Variants in TLCD4 observed in about 807,000 individuals in gnomAD.
The protein encoded by TLCD4 is TLC domain containing 4.
TLCD4 carries 7 observed loss-of-function variants against 24.2 expected under a neutral mutation model. The observed-to-expected ratio is 0.29, with a 90% confidence interval of 0.16 to 0.54. The LOEUF (loss-of-function observed/expected upper bound fraction) is 0.54. TLCD4 is among the 20% of genes least tolerant of loss of function. The pLI is 0.95. For synonymous variants in TLCD4, 103 were observed against 106.4 expected (o/e 0.97, Z 0.20); for missense variants, 259 against 313.9 (o/e 0.82, Z 1.32).
the TLCD4 span, among the ~76,000 whole-genome samples, chr1:95,095,432 C>G: frequency 6.6e-6 from 1 of 152,080 alleles, no homozygotes; most frequent in East Asian, 1.9e-4. Context: ...CAGAGTTGCT[C>G]TGTCTCCCAG....
At chr1:95,188,564 T>A (rs1678913450) in intron 6 of TLCD4, among the ~76,000 whole-genome samples, 1 of 152,156 alleles carries the variant, frequency 6.6e-6, no homozygotes, top group African/African-American at 2.4e-5. Flanking sequence ...ATTCATTCAT[T>A]CATTCATTTA....
the TLCD4 span, among the ~76,000 whole-genome samples, chr1:95,092,563 A>G: frequency 6.6e-6 from 1 of 151,870 alleles, no homozygotes; most frequent in Non-Finnish European, 1.5e-5. Context: ...GCTACTGCTC[A>G]CTCTTTAGGT....
intron 1 of TLCD4, among the ~76,000 whole-genome samples, chr1:95,129,272 A>G (rs1035630222): frequency 2.0e-5 from 3 of 152,214 alleles, no homozygotes; most frequent in South Asian, 2.1e-4. Flanking sequence ...GAACTCTGTT[A>G]TGTACTCTTG....
At chr1:95,126,931 G>T (rs1427897179) in intron 1 of TLCD4, among the ~76,000 whole-genome samples, 2 of 152,238 alleles carry the variant, frequency 1.3e-5, no homozygotes, top group African/African-American at 4.8e-5. Flanking sequence ...GGGATTGGGG[G>T]CCTGGCGTGG....
At chr1:95,094,393 C>T in the TLCD4 span, among the ~76,000 whole-genome samples, 2,425 of 152,134 alleles carry the variant, frequency 0.016, 63 homozygotes, top group African/African-American at 0.056. Flanking sequence ...CCTTGGCCTC[C>T]CAAGGTTTTG....
rs78715623 is a variant in TLCD4 at position 95,150,192 on chromosome 1, CTT to C, written c.246-5_246-4del. The C allele has an allele frequency of 5.4e-4, 710 of 1,310,292 alleles. 2 individuals are homozygous for C. The African/African-American group carries it at 7.2e-3, about 13-fold the overall frequency. 81.2% of individuals were successfully genotyped at this position (1,310,292 alleles called of 1,614,324 possible). On this transcript the variant is annotated splice_polypyrimidine_tract_variant and intron_variant, in intron 3 of 6. Transcript: ENST00000370203. ...CAATCTATATACTTTAAAAAGGAAC[CTT>C]TTTTTTTTTTCAGGGGTGGTCCATC... is the stretch of plus-strand genomic sequence containing the variant.
chr1:95,193,574 A>G lies in TLCD4; in HGVS notation c.*1706A>G, dbSNP rs930190470. On this transcript the variant is annotated 3_prime_UTR_variant, in exon 7 of 7. Transcript: ENST00000370203. ...TCATTGTTCATGCTAGCTGAATATA[A>G]TCAAGACTTTTGATTTGATTTGCTT... 4 of 152,068 alleles carry G rather than the reference A, an allele frequency of 2.6e-5. No homozygotes were observed. The highest frequency in any genetic ancestry group is 4.4e-5 in the Non-Finnish European group (3 of 67,942). 9.4% of individuals were successfully genotyped at this position (152,068 alleles called of 1,614,324 possible).
chr1:95,139,455 A>ATTTT (rs200337389), intron 1 of TLCD4, among the ~76,000 whole-genome samples: 2,065 of 93,820 alleles, frequency 0.022, 46 homozygotes, highest in Non-Finnish European at 0.028. Context: ...TAAACCTTTG[A>ATTTT]TTTTTTTTTT....
rs1323536276 is a variant in TLCD4, at chr1:95,192,744, A to T, written c.*876A>T. On this transcript the variant is annotated 3_prime_UTR_variant, in exon 7 of 7. Transcript: ENST00000370203. ...GATGAAATATTTTACCACTTTGGGA[A>T]TATTTAATTAGTTTAGTCATGGAGA... 1 of 151,898 alleles carries T rather than the reference A, an allele frequency of 6.6e-6. No homozygotes were observed. Among genetic ancestry groups the T allele is most frequent in the African/African-American group, 2.4e-5 (1 of 41,340 alleles). The allele number at this position is 151,898 out of a possible 1,614,324, so 9.4% of individuals were successfully genotyped here.
intron 5 of TLCD4, among the ~76,000 whole-genome samples, chr1:95,158,151 T>A (rs35398069): frequency 2.0e-3 from 297 of 152,092 alleles, no homozygotes; most frequent in African/African-American, 6.9e-3. Flanking sequence ...GTATTCTTAT[T>A]TCTGGTCCTA....
intron 6 of TLCD4, among the ~76,000 whole-genome samples, chr1:95,189,535 T>G (rs1478599906): frequency 6.6e-6 from 1 of 152,114 alleles, no homozygotes; most frequent in East Asian, 1.9e-4. Flanking sequence ...AAAATATCCC[T>G]TGTTTTACCT....
chr1:95,109,907 GTATGCATA>G, the TLCD4 span, among the ~76,000 whole-genome samples: 2 of 96,304 alleles, frequency 2.1e-5, no homozygotes, highest in African/African-American at 8.7e-5. Flanking sequence ...CATAATGTGT[GTATGCATA>G]TATATATATA....
chr1:95,104,254 T>C, the TLCD4 span, among the ~76,000 whole-genome samples: 1 of 151,624 alleles, frequency 6.6e-6, no homozygotes, highest in African/African-American at 2.4e-5. Flanking sequence ...AACACTTAGA[T>C]AGCACCCACC....
At chr1:95,169,737 G>A (rs1455105781) in intron 5 of TLCD4, among the ~76,000 whole-genome samples, 1 of 152,048 alleles carries the variant, frequency 6.6e-6, no homozygotes, top group African/African-American at 2.4e-5. Context: ...ATGCAGTAGT[G>A]TGATCACAGC....
At chr1:95,181,760 G>A (rs538180875) in intron 6 of TLCD4, among the ~76,000 whole-genome samples, 38 of 151,736 alleles carry the variant, frequency 2.5e-4, no homozygotes, top group Non-Finnish European at 4.0e-4. Flanking sequence ...GAGTAGCTGG[G>A]ATTACTATGC....
chr1:95,136,526 A>G (rs913186004), intron 1 of TLCD4, among the ~76,000 whole-genome samples: 3 of 152,222 alleles, frequency 2.0e-5, no homozygotes, highest in Non-Finnish European at 4.4e-5. Flanking sequence ...TTTACAAAAA[A>G]TATTTGCTAA....
chr1:95,197,317 G>A lies in TLCD4; in HGVS notation c.*5449G>A, dbSNP rs1340511042. ...ATTTGGAGGGATAATAAATGTCTAA[G>A]TTATTTCCATTAAAATTTTGAAATG... On this transcript the variant is annotated 3_prime_UTR_variant, in exon 7 of 7. Coordinates refer to ENST00000370203, the MANE Select transcript of TLCD4 (RefSeq NM_152487.3). 6.6e-6 allele frequency: 1 copy of A among 152,052 alleles called. No individual in the cohort carries two copies. The highest frequency in any genetic ancestry group is 1.9e-4 in the East Asian group (1 of 5,190). 9.4% of individuals were successfully genotyped at this position (152,052 alleles called of 1,614,324 possible).
chr1:95,174,114 T>C, intron 6 of TLCD4: 1 of 596,674 alleles, frequency 1.7e-6, no homozygotes, highest in Non-Finnish European at 2.9e-6. Context: ...TAAATCCTGC[T>C]CTTTGCAGTA....
At position 95,182,034 on chromosome 1, in the gene TLCD4, A is replaced by C. The variant is rs575139712; in HGVS notation, c.473+8145A>C. ...AAATGTTGAACATTTATTAGATGAC[A>C]TTTAAAATATCACCGCAGATCTCAT... On this transcript the variant is annotated intron_variant, in intron 6 of 6. Coordinates refer to ENST00000370203, the MANE Select transcript of TLCD4 (RefSeq NM_152487.3). Among the ~76,000 whole-genome samples the C allele has an allele frequency of 3.9e-5, 6 of 152,328 alleles. No homozygotes were observed. The East Asian group carries it at 1.2e-3, about 29-fold the overall frequency.
Sources: gnomAD v4.1 joint callset for allele counts (sites outside exome capture counted in the v4.1 genomes callset) on GRCh38, gnomAD v4.1.1 for gene constraint, MANE v1.5 for transcripts, NCBI Gene and HGNC (gene_info 2026-07-23, HGNC 2026-07-21) for gene names.